Variants in CLDN10 observed in about 807,000 individuals in gnomAD.
CLDN10 encodes the protein claudin 10, also known as claudin-10.
Under a neutral mutation model 22.9 loss-of-function variants are expected in CLDN10, and 15 were observed. That is an observed-to-expected ratio of 0.65 (90% CI 0.44 to 1.01). The LOEUF is 1.01. CLDN10 is among the 50% of genes least tolerant of loss of function. The pLI, the probability that CLDN10 is intolerant of heterozygous loss-of-function variation, is 0.00. For missense variants in CLDN10, 247 were observed against 287.8 expected, an observed-to-expected ratio of 0.86 and a Z score of 1.03; for synonymous variants, 114 against 111.4, an observed-to-expected ratio of 1.02 and a Z score of -0.15.
In CLDN10 at chr13:95,571,597, C is replaced by T. The variant is rs1024685970; in HGVS notation, c.465-5634C>T. On this transcript the variant is annotated intron_variant, in intron 3 of 4. Transcript: ENST00000299339. ...GAGAGATACGCAGGATCAGCGGGCA[C>T]CCCACATAACTGGGGCCCCAAAAGA... 2.6e-5 allele frequency among the ~76,000 whole-genome samples: 4 copies of T among 152,080 alleles called. No homozygotes were observed. The East Asian group carries it at 5.8e-4, about 22-fold the overall frequency.
At chr13:95,541,141 G>C (rs1456996198) in intron 1 of CLDN10, among the ~76,000 whole-genome samples, 1 of 152,206 alleles carries the variant, frequency 6.6e-6, no homozygotes. Flanking sequence ...AGCAAACATA[G>C]GCACCGATGC....
chr13:95,555,050 T>G (rs1354620056), intron 1 of CLDN10, among the ~76,000 whole-genome samples: 1 of 80,040 alleles, frequency 1.2e-5, no homozygotes, highest in Non-Finnish European at 2.5e-5. Context: ...TAATCCAGTT[T>G]TTTTTTTTTT....
chr13:95,462,141 T>C (rs986704799), intron 1 of CLDN10, among the ~76,000 whole-genome samples: 1 of 152,122 alleles, frequency 6.6e-6, no homozygotes, highest in Non-Finnish European at 1.5e-5. Flanking sequence ...TTAAACCCTA[T>C]TGAAGAATTT....
Position 95,469,902 on chromosome 13 carries a change from T to C in CLDN10, c.214+35855T>C, listed in dbSNP as rs189758215. On this transcript the variant is annotated intron_variant, in intron 1 of 4. Coordinates refer to the CLDN10 transcript ENST00000376873. ...TAAATTGAATATGTATCTGGTATGA[T>C]CTGAAAGCTGGAGACACTATGTCAA... 2.2e-3 allele frequency among the ~76,000 whole-genome samples: 340 copies of C among 152,354 alleles called. 2 individuals are homozygous for C. Among genetic ancestry groups the C allele is most frequent in the African/African-American group, 8.0e-3 (331 of 41,592 alleles).
At chr13:95,449,313 G>A (rs1055407551) in intron 1 of CLDN10, among the ~76,000 whole-genome samples, 10 of 150,486 alleles carry the variant, frequency 6.6e-5, no homozygotes, top group African/African-American at 1.7e-4. Context: ...GTGCAGTGGC[G>A]CAACCTCGGC....
In CLDN10 at chr13:95,577,399, T is replaced by G. The variant is rs377203980; in HGVS notation, c.572+61T>G. Reference sequence around the variant, plus strand: ...TAGAATGCTATCATAAATCATTACATGTGGAACAAATTACAGATAGTTCAT... The same window carrying G: ...TAGAATGCTATCATAAATCATTACAGGTGGAACAAATTACAGATAGTTCAT... On this transcript the variant is annotated intron_variant, in intron 4 of 4. Transcript: ENST00000299339. 2.1e-5 allele frequency: 22 copies of G among 1,068,922 alleles called. No homozygotes were observed. The African/African-American group carries it at 2.5e-4, about 12-fold the overall frequency. The allele number at this position is 1,068,922 out of a possible 1,614,324, so 66.2% of individuals were successfully genotyped here.
At chr13:95,458,677 G>T (rs1192183333) in intron 1 of CLDN10, among the ~76,000 whole-genome samples, 2 of 152,264 alleles carry the variant, frequency 1.3e-5, no homozygotes, top group African/African-American at 2.4e-5. Flanking sequence ...GGATTATGGG[G>T]ATTATGGGGA....
chr13:95,459,894 C>G (rs140451467), intron 1 of CLDN10, among the ~76,000 whole-genome samples: 124 of 152,304 alleles, frequency 8.1e-4, no homozygotes, highest in African/African-American at 2.9e-3. Context: ...AGTTACAATT[C>G]CAAATCATCT....
At chr13:95,494,770 C>T (rs1000417666) in intron 1 of CLDN10, among the ~76,000 whole-genome samples, 22 of 152,102 alleles carry the variant, frequency 1.4e-4, no homozygotes, top group African/African-American at 4.8e-4. Context: ...ATGGTAGATA[C>T]GGACAGGGCC....
intron 1 of CLDN10, among the ~76,000 whole-genome samples, chr13:95,524,174 T>G (rs891497555): frequency 1.3e-5 from 2 of 151,878 alleles, no homozygotes; most frequent in Non-Finnish European, 2.9e-5. Context: ...TGGTATTCTG[T>G]AGCATCACAA....
chr13:95,468,366 C>T (rs1209164745), intron 1 of CLDN10, among the ~76,000 whole-genome samples: 1 of 152,128 alleles, frequency 6.6e-6, no homozygotes, highest in Non-Finnish European at 1.5e-5. Context: ...CCAAACTTAT[C>T]CCTGATGTTG....
intron 1 of CLDN10, among the ~76,000 whole-genome samples, chr13:95,530,312 T>C (rs1388575201): frequency 1.3e-5 from 2 of 152,208 alleles, no homozygotes; most frequent in African/African-American, 4.8e-5. Flanking sequence ...GTGAGAGATG[T>C]TAAAATTCTT....
At chr13:95,491,371 CT>C (rs1345900242) in intron 1 of CLDN10, among the ~76,000 whole-genome samples, 1 of 151,730 alleles carries the variant, frequency 6.6e-6, no homozygotes, top group Non-Finnish European at 1.5e-5. Context: ...ATTCTTTTTT[CT>C]AGGTCTTTGT....
upstream of CLDN10, chr13:95,552,666 A>C: frequency 1.4e-6 from 2 of 1,410,878 alleles, no homozygotes; most frequent in South Asian, 3.0e-5. Context: ...GCGGAGGCGG[A>C]GGCGGGAGGC....
chr13:95,454,063 C>G (rs963347504), intron 1 of CLDN10, among the ~76,000 whole-genome samples: 2 of 152,184 alleles, frequency 1.3e-5, no homozygotes, highest in Non-Finnish European at 2.9e-5. Flanking sequence ...GCCAGAAGAT[C>G]TACCCGCAAC....
chr13:95,502,379 AG>A (rs1326947545), intron 1 of CLDN10, among the ~76,000 whole-genome samples: 1 of 152,202 alleles, frequency 6.6e-6, no homozygotes, highest in African/African-American at 2.4e-5. Flanking sequence ...GAGCAGCCTC[AG>A]GGAGTGGTTG....
At chr13:95,459,531 C>T (rs886687061) in intron 1 of CLDN10, among the ~76,000 whole-genome samples, 1 of 152,240 alleles carries the variant, frequency 6.6e-6, no homozygotes, top group African/African-American at 2.4e-5. Context: ...GGGACTTGCA[C>T]CCTCTGAAAC....
At chr13:95,560,533 A>G (rs2043695032) in intron 3 of CLDN10, 70 bp downstream of exon 3, 1 of 1,238,738 alleles carries the variant, frequency 8.1e-7, no homozygotes, top group Non-Finnish European at 1.2e-6. Context: ...CAACCAAGAG[A>G]CATGAATTTC....
intron 1 of CLDN10, among the ~76,000 whole-genome samples, chr13:95,441,228 G>A (rs1284882123): frequency 6.6e-6 from 1 of 152,186 alleles, no homozygotes; most frequent in East Asian, 1.9e-4. Flanking sequence ...TTTAGAACAA[G>A]TAAAAGAGCC....
Sources: allele counts gnomAD v4.1 joint callset (sites outside exome capture counted in the v4.1 genomes callset), GRCh38; gene constraint gnomAD v4.1.1; transcripts MANE v1.5; gene names NCBI Gene and HGNC (gene_info 2026-07-23, HGNC 2026-07-21).